The following MRPL22 variants were observed in gnomAD, a reference collection of about 807,000 sequenced individuals.
MRPL22 encodes the protein large ribosomal subunit protein uL22m.
A neutral mutation model predicts 32.4 loss-of-function variants in MRPL22; 27 were observed. The observed-to-expected ratio is 0.83, with a 90% confidence interval of 0.61 to 1.15. The LOEUF is 1.15. Ranked by LOEUF, MRPL22 falls within the 50% of genes most tolerant of loss-of-function variation. MRPL22 has a pLI of 0.00. For missense variants in MRPL22, 239 were observed against 260.2 expected, an observed-to-expected ratio of 0.92 and a Z score of 0.56; for synonymous variants, 86 against 87.3, an observed-to-expected ratio of 0.99 and a Z score of 0.08.
chr5:154,961,177 G>T (rs530700962), intron 6 of MRPL22, among the ~76,000 whole-genome samples: 4 of 152,298 alleles, frequency 2.6e-5, no homozygotes, highest in African/African-American at 9.6e-5. Flanking sequence ...ATTTTCAGTT[G>T]AAATGCTTTA....
chr5:154,946,153 AC>A (rs1356341233), intron 2 of MRPL22, among the ~76,000 whole-genome samples: 1 of 152,196 alleles, frequency 6.6e-6, no homozygotes, highest in African/African-American at 2.4e-5. Context: ...CTAGGCGGGT[AC>A]AGCAGGTATG....
Position 154,968,124 on chromosome 5 carries a change from G to A in MRPL22, c.*1227G>A, listed in dbSNP as rs1341411094. The A allele has an allele frequency of 6.6e-6, 1 of 152,188 alleles. No homozygotes were observed. Among genetic ancestry groups the A allele is most frequent in the Non-Finnish European group, 1.5e-5 (1 of 68,026 alleles). 9.4% of individuals were successfully genotyped at this position (152,188 alleles called of 1,614,324 possible). On this transcript the variant is annotated 3_prime_UTR_variant, in exon 7 of 7. Transcript: ENST00000523037. ...ACAAAGGAATAAACCGAAGCACACA[G>A]AATTCAAATAACTATCACAAGTCAC...
At position 154,967,076 on chromosome 5, in the gene MRPL22, T is replaced by C. The variant is rs1582697467; in HGVS notation, c.*179T>C. The C allele has an allele frequency of 4.4e-6, 3 of 689,580 alleles. No individual in the cohort carries two copies. In the East Asian group the frequency reaches 8.4e-5, roughly 19 times the overall value. The allele number at this position is 689,580 out of a possible 1,614,324, so 42.7% of individuals were successfully genotyped here. Reference sequence around the variant, plus strand: ...CATTTCTTTTGAGCCTCTGGGCATATTTGTATGCATTTGCGACTTGGAAGG... The same window carrying C: ...CATTTCTTTTGAGCCTCTGGGCATACTTGTATGCATTTGCGACTTGGAAGG... On this transcript the variant is annotated 3_prime_UTR_variant, in exon 7 of 7. Transcript: ENST00000523037. The surrounding 1 kb of genome is among the most constrained non-coding windows in gnomAD (Gnocchi z 4.7).
At chr5:154,941,341 C>T (rs957990091) in intron 2 of MRPL22, 76 bp downstream of exon 2, 11 of 1,577,918 alleles carry the variant, frequency 7.0e-6, no homozygotes, top group Non-Finnish European at 9.5e-6. Context: ...CTGAGCGCCT[C>T]CGTGCCTAAC....
intron 3 of MRPL22, chr5:154,955,622 T>C (rs1471445802): frequency 6.6e-6 from 1 of 152,238 alleles, no homozygotes; most frequent in Non-Finnish European, 1.5e-5. Context: ...CCTCAACTCA[T>C]AGAGTTAGAC....
intron 2 of MRPL22, among the ~76,000 whole-genome samples, chr5:154,947,650 G>A (rs1256101728): frequency 2.0e-5 from 3 of 152,154 alleles, no homozygotes; most frequent in Admixed American, 6.5e-5. Context: ...CAGTATCCAC[G>A]TACCAGACAT....
chr5:154,945,683 G>A (rs1037061343), intron 2 of MRPL22, among the ~76,000 whole-genome samples: 4 of 152,100 alleles, frequency 2.6e-5, no homozygotes, highest in African/African-American at 4.8e-5. Context: ...GTGGGGGAGT[G>A]GCCAGAGAGG....
chr5:154,967,064 C>G lies in MRPL22; in HGVS notation c.*167C>G, dbSNP rs992344907. 5.0e-6 allele frequency: 4 copies of G among 792,774 alleles called. No individual in the cohort carries two copies. Among genetic ancestry groups the G allele is most frequent in the Non-Finnish European group, 7.7e-6 (4 of 518,396 alleles). The allele number at this position is 792,774 out of a possible 1,614,324, so 49.1% of individuals were successfully genotyped here. ...TAAGGCTTTGCCCATTTCTTTTGAGCCTCTGGGCATATTTGTATGCATTTG... is the reference window on the plus strand; with the variant it reads ...TAAGGCTTTGCCCATTTCTTTTGAGGCTCTGGGCATATTTGTATGCATTTG... On this transcript the variant is annotated 3_prime_UTR_variant, in exon 7 of 7. Transcript: ENST00000523037. The surrounding 1 kb of genome is among the most constrained non-coding windows in gnomAD (Gnocchi z 4.7).
At chr5:154,962,852 G>A (rs1035050051) in intron 6 of MRPL22, among the ~76,000 whole-genome samples, 1 of 152,024 alleles carries the variant, frequency 6.6e-6, no homozygotes, top group Non-Finnish European at 1.5e-5. Context: ...AGGTGGGAGC[G>A]GAGGGCTTCT....
chr5:154,942,081 T>C (rs768439055), intron 2 of MRPL22, among the ~76,000 whole-genome samples: 2 of 152,182 alleles, frequency 1.3e-5, no homozygotes, highest in Non-Finnish European at 2.9e-5. Context: ...TGTTAGTACC[T>C]ATCTCTTAGG....
At chr5:154,942,783 A>G (rs893184082) in intron 2 of MRPL22, among the ~76,000 whole-genome samples, 2 of 152,332 alleles carry the variant, frequency 1.3e-5, no homozygotes, top group African/African-American at 4.8e-5. Flanking sequence ...ATCTTGGAGA[A>G]GTAGGGACAT....
Position 154,960,060 on chromosome 5 carries a change from T to A in MRPL22, c.409+11T>A, listed in dbSNP as rs1764681874. The stretch of plus-strand genomic sequence containing the variant: ...CCAATTTATATATAGGTAAGATTTT[T>A]AATATTCTTAGCATTAGAAAATGTC... On this transcript the variant is annotated intron_variant, in intron 6 of 6. Transcript: ENST00000523037. 1 of 1,568,416 alleles carries A rather than the reference T, an allele frequency of 6.4e-7. No homozygotes were observed.
chr5:154,957,800 A>G (rs1322672538), intron 5 of MRPL22, among the ~76,000 whole-genome samples: 1 of 152,108 alleles, frequency 6.6e-6, no homozygotes, highest in African/African-American at 2.4e-5. Flanking sequence ...GATGACCCCT[A>G]AAGATCCTTC....
chr5:154,960,100 C>A, intron 6 of MRPL22, 51 bp downstream of exon 6: 2 of 1,311,866 alleles, frequency 1.5e-6, no homozygotes, highest in Non-Finnish European at 2.2e-6. Context: ...GTAGTAATGC[C>A]ATGTTTTTTA....
rs539631738 is a variant in MRPL22 at position 154,956,257 on chromosome 5, C to A, written c.196-114C>A. On this transcript the variant is annotated intron_variant, in intron 3 of 6. Transcript: ENST00000523037. ...TTAGTAATGTTTCTATTTCTTATGG[C>A]AGCATTTTCTTTAGGCCTAGAAAGT... 270 of 677,524 alleles carry A rather than the reference C, an allele frequency of 4.0e-4. 3 individuals are homozygous for A. Among genetic ancestry groups the A allele is most frequent in the South Asian group, 2.0e-3 (109 of 55,810 alleles). The allele number at this position is 677,524 out of a possible 1,614,324, so 42.0% of individuals were successfully genotyped here.
intron 5 of MRPL22, 52 bp downstream of exon 5, chr5:154,957,264 C>G: frequency 6.9e-7 from 1 of 1,448,226 alleles, no homozygotes; most frequent in Non-Finnish European, 9.7e-7. Context: ...GGGAATGCAG[C>G]TGTCTTGCAA....
chr5:154,943,439 A>G (rs1764446136), intron 2 of MRPL22, among the ~76,000 whole-genome samples: 1 of 152,032 alleles, frequency 6.6e-6, no homozygotes, highest in Non-Finnish European at 1.5e-5. Flanking sequence ...TAAATAAACT[A>G]AGGGAAGTTG....
intron 3 of MRPL22, 74 bp from the exon 4 acceptor site, chr5:154,956,297 C>T: frequency 1.0e-6 from 1 of 975,784 alleles, no homozygotes; most frequent in East Asian, 2.5e-5. Flanking sequence ...ACTTAAATAA[C>T]AGTATATGTT....
chr5:154,961,195 G>A (rs550762642), intron 6 of MRPL22, among the ~76,000 whole-genome samples: 1 of 152,304 alleles, frequency 6.6e-6, no homozygotes, highest in Non-Finnish European at 1.5e-5. Flanking sequence ...TTATTTTAAA[G>A]CTGAATCTTG....
Sources: gnomAD v4.1 joint callset for allele counts (sites outside exome capture counted in the v4.1 genomes callset) on GRCh38, gnomAD v4.1.1 for gene constraint, Gnocchi (gnomAD v3.1) non-coding constraint, MANE v1.5 for transcripts, NCBI Gene and HGNC (gene_info 2026-07-23, HGNC 2026-07-21) for gene names.